The following RGS22 variants were observed in gnomAD, a reference collection of about 807,000 sequenced individuals.
RGS22 encodes regulator of G protein signaling 22.
A neutral mutation model predicts 172.9 loss-of-function variants in RGS22; 148 were observed. The ratio of observed to expected loss-of-function variants is 0.86; its 90% confidence interval spans 0.75 to 0.98. RGS22 has a LOEUF of 0.98. RGS22 is among the 50% of genes least tolerant of loss of function. RGS22 has a pLI of 0.00. For missense variants in RGS22, 1,347 were observed against 1,440.8 expected (o/e 0.93, Z 1.05); for synonymous variants, 458 against 480.2 (o/e 0.95, Z 0.60).
At chr8:100,015,366 C>G (rs1306367504) in intron 14 of RGS22, among the ~76,000 whole-genome samples, 6 of 152,234 alleles carry the variant, frequency 3.9e-5, no homozygotes, top group Middle Eastern at 3.4e-3. Context: ...GATCTCAACT[C>G]ACTGCAACCT....
chr8:100,064,257 C>T (rs1810380436), intron 7 of RGS22, among the ~76,000 whole-genome samples: 1 of 152,094 alleles, frequency 6.6e-6, no homozygotes. Context: ...CACTTGAGGT[C>T]AGGAGTTCCA....
chr8:100,044,851 T>C (rs967708488), intron 11 of RGS22, among the ~76,000 whole-genome samples: 4 of 152,146 alleles, frequency 2.6e-5, no homozygotes, highest in Non-Finnish European at 4.4e-5. Context: ...AAACCTAGAT[T>C]TCAACTGTTT....
At chr8:100,072,432 T>A (rs961750787) in intron 4 of RGS22, among the ~76,000 whole-genome samples, 1 of 152,168 alleles carries the variant, frequency 6.6e-6, no homozygotes, top group Non-Finnish European at 1.5e-5. Context: ...TTTAATTCTC[T>A]TAACAATCCT....
At chr8:99,986,630 G>T (rs1308424247) in intron 21 of RGS22, among the ~76,000 whole-genome samples, 1 of 152,128 alleles carries the variant, frequency 6.6e-6, no homozygotes. Context: ...CAAAGATTCT[G>T]TATGATTACA....
intron 11 of RGS22, among the ~76,000 whole-genome samples, chr8:100,046,744 T>G (rs530578532): frequency 1.3e-5 from 2 of 151,718 alleles, no homozygotes; most frequent in Admixed American, 6.6e-5. Context: ...GACTTCGGCA[T>G]TTGAGGCTGC....
At chr8:100,015,269 G>A (rs1816819647) in intron 14 of RGS22, among the ~76,000 whole-genome samples, 1 of 151,876 alleles carries the variant, frequency 6.6e-6, no homozygotes, top group Non-Finnish European at 1.5e-5. Context: ...CCTTCCTCCT[G>A]TGTTTCCAGT....
chr8:100,081,134 A>C (rs1811721807), intron 3 of RGS22, among the ~76,000 whole-genome samples: 2 of 152,100 alleles, frequency 1.3e-5, no homozygotes, highest in Admixed American at 1.3e-4. Context: ...CATTTATTTT[A>C]GGGTGCCTTC....
chr8:100,066,827 T>C (rs953726946), intron 6 of RGS22, among the ~76,000 whole-genome samples: 3 of 152,142 alleles, frequency 2.0e-5, no homozygotes. Context: ...TTTTCACAAG[T>C]TTGCTTAGAT....
At position 100,010,550 on chromosome 8, in the gene RGS22, C is replaced by A. The variant is rs571254960; in HGVS notation, c.2167-1981G>T. Among the ~76,000 whole-genome samples, 5 of 152,282 alleles carry A rather than the reference C, an allele frequency of 3.3e-5. No homozygotes were observed. The South Asian group carries it at 1.0e-3, about 32-fold the overall frequency. On this transcript the variant is annotated intron_variant, in intron 14 of 27. Transcript: ENST00000360863. ...AGCTTTCACTCACATTCTCCCCCAACAATCACAATTTCTGCTGCTATGCCT... is the reference window on the plus strand; with the variant it reads ...AGCTTTCACTCACATTCTCCCCCAAAAATCACAATTTCTGCTGCTATGCCT...
intron 20 of RGS22, 53 bp downstream of exon 20, chr8:99,996,409 T>C: frequency 6.9e-7 from 1 of 1,455,100 alleles, no homozygotes; most frequent in Non-Finnish European, 9.6e-7. Flanking sequence ...AGAAAAACAA[T>C]ACTTTGACAG....
At chr8:100,037,559 A>G (rs557719706) in intron 14 of RGS22, among the ~76,000 whole-genome samples, 1 of 152,314 alleles carries the variant, frequency 6.6e-6, no homozygotes, top group East Asian at 1.9e-4. Context: ...TGGTTTTACA[A>G]TCATTTATTA....
intron 20 of RGS22, among the ~76,000 whole-genome samples, chr8:99,995,616 T>G (rs1179367699): frequency 6.6e-6 from 1 of 152,150 alleles, no homozygotes; most frequent in African/African-American, 2.4e-5. Context: ...AAACAACAGA[T>G]GCTGGAGAGG....
At chr8:99,979,632 T>G (rs1051200791) in intron 22 of RGS22, among the ~76,000 whole-genome samples, 1 of 152,172 alleles carries the variant, frequency 6.6e-6, no homozygotes, top group South Asian at 2.1e-4. Context: ...ACTGATACAA[T>G]GCTAAAACTG....
chr8:99,995,338 A>G (rs966824605), intron 20 of RGS22, among the ~76,000 whole-genome samples: 1 of 152,202 alleles, frequency 6.6e-6, no homozygotes, highest in Non-Finnish European at 1.5e-5. Context: ...CAACCTACAA[A>G]ATGGGAGAAA....
At chr8:99,967,923 G>T (rs1175047246) in intron 23 of RGS22, among the ~76,000 whole-genome samples, 2 of 152,208 alleles carry the variant, frequency 1.3e-5, no homozygotes, top group Admixed American at 1.3e-4. Flanking sequence ...CCTGACCCCA[G>T]TGCTTCCTGA....
At position 100,101,759 on chromosome 8, in the gene RGS22, T is replaced by C. The variant is rs796528454; in HGVS notation, c.54+3615A>G. On this transcript the variant is annotated intron_variant, in intron 2 of 27. Transcript: ENST00000360863. ...CTATCCTTTGAGAATGAAGACCCCATGTTGAGGTTCAAATATTATTTTGCA... is the reference window on the plus strand; with the variant it reads ...CTATCCTTTGAGAATGAAGACCCCACGTTGAGGTTCAAATATTATTTTGCA... Among the ~76,000 whole-genome samples, 6 of 151,788 alleles carry C rather than the reference T, an allele frequency of 4.0e-5. No homozygotes were observed. The South Asian group carries it at 1.2e-3, about 32-fold the overall frequency.
chr8:100,040,061 G>A lies in RGS22; in HGVS notation c.1965C>T (p.Ala655=), dbSNP rs1308513387. The change falls in exon 13 of 28, where the codon GCC becomes GCT. Residue 655 remains alanine (A), a synonymous_variant. Coordinates refer to ENST00000360863, the MANE Select transcript of RGS22 (RefSeq NM_015668.5). The part of the protein sequence containing the change: ...PRVKTVSDVG[A]LGGSDMENLL... ...AATTTTCCATGTCAGATCCTCCCAA[G>A]GCACCAACATCTGACACGGTTTTAA... 1.1e-5 allele frequency: 17 copies of A among 1,609,456 alleles called. No homozygotes were observed. In the Middle Eastern group the frequency reaches 1.5e-3, roughly 141 times the overall value.
chr8:100,052,772 TAGAG>T (rs770403592), intron 10 of RGS22, 26 bp downstream of exon 10: 1 of 1,595,438 alleles, frequency 6.3e-7, no homozygotes, highest in African/African-American at 1.3e-5. Context: ...ACAAACTTAG[TAGAG>T]ATCACAGCAT....
At chr8:100,037,147 A>T (rs144757336) in intron 14 of RGS22, among the ~76,000 whole-genome samples, 1 of 152,128 alleles carries the variant, frequency 6.6e-6, no homozygotes, top group Admixed American at 6.6e-5. Flanking sequence ...AACCAAAAAA[A>T]TAAAGTTGGG....
Sources: gnomAD v4.1 joint callset for allele counts (sites outside exome capture counted in the v4.1 genomes callset) on GRCh38, gnomAD v4.1.1 for gene constraint, MANE v1.5 for transcripts, NCBI Gene and HGNC (gene_info 2026-07-23, HGNC 2026-07-21) for gene names.